MRTFB: variants seen among roughly 807,000 people sequenced by gnomAD.
MRTFB encodes the protein myocardin-related transcription factor B.
A neutral mutation model predicts 104.2 loss-of-function variants in MRTFB; 29 were observed. The observed-to-expected ratio is 0.28, with a 90% CI of 0.21 to 0.38. The LOEUF (loss-of-function observed/expected upper bound fraction) is 0.38, where lower values mean the gene tolerates loss of function less well. Among genes scored for constraint, MRTFB ranks in the 10% least tolerant of loss-of-function variants. The pLI, the probability that MRTFB is intolerant of heterozygous loss-of-function variation, is 1.00. For synonymous variants in MRTFB, 535 were observed against 519.5 expected (o/e 1.03, Z -0.41); for missense variants, 1,270 against 1,341.6 (o/e 0.95, Z 0.83).
chr16:14,266,229 G>A lies in MRTFB; in HGVS notation c.*4785G>A, dbSNP rs2043942947. The A allele has an allele frequency of 6.6e-6, 1 of 152,116 alleles. No homozygotes were observed. The highest frequency in any genetic ancestry group is 1.5e-5 in the Non-Finnish European group (1 of 68,020). The allele number at this position is 152,116 out of a possible 1,614,324, so 9.4% of individuals were successfully genotyped here. A position where few individuals can be genotyped will look rare whatever the true frequency, so the allele number is the denominator to read the frequency against. On this transcript the variant is annotated 3_prime_UTR_variant, in exon 17 of 17. Transcript: ENST00000571589. ...CTAAGATGTAGATATTTCTCTTATT[G>A]TTTTCATGTAAAATAGTATAGAGTT...
intron 2 of MRTFB, among the ~76,000 whole-genome samples, chr16:14,125,783 T>C (rs574365782): frequency 6.6e-6 from 1 of 152,368 alleles, no homozygotes; most frequent in Non-Finnish European, 1.5e-5. Context: ...TTTCAAGTGA[T>C]GGTTAACATT....
chr16:14,226,460 G>A (rs1351005470), intron 8 of MRTFB, among the ~76,000 whole-genome samples: 1 of 152,096 alleles, frequency 6.6e-6, no homozygotes, highest in Admixed American at 6.6e-5. Context: ...AAATGGTACT[G>A]GGAAAACTGG....
intron 2 of MRTFB, among the ~76,000 whole-genome samples, chr16:14,102,609 A>G (rs572919190): frequency 1.8e-4 from 27 of 152,334 alleles, no homozygotes; most frequent in African/African-American, 6.3e-4. Flanking sequence ...ACTTACAGAT[A>G]TTATTTATTC....
At chr16:14,154,952 T>A (rs1015735511) in intron 3 of MRTFB, among the ~76,000 whole-genome samples, 1 of 152,150 alleles carries the variant, frequency 6.6e-6, no homozygotes, top group Admixed American at 6.5e-5. Context: ...CCATATTCGA[T>A]TGATTAGAAG....
intron 3 of MRTFB, among the ~76,000 whole-genome samples, chr16:14,204,464 C>T (rs986481383): frequency 6.6e-6 from 1 of 152,150 alleles, no homozygotes; most frequent in Admixed American, 6.5e-5. Flanking sequence ...CTGGGAATGA[C>T]ATTTTCAGTT....
intron 3 of MRTFB, chr16:14,187,115 T>G: frequency 8.5e-7 from 1 of 1,173,232 alleles, no homozygotes; most frequent in Admixed American, 2.3e-5. Flanking sequence ...TCTGTTACCA[T>G]GCTATGTGTC....
At chr16:14,128,958 C>T (rs1235259572) in intron 2 of MRTFB, among the ~76,000 whole-genome samples, 2 of 152,244 alleles carry the variant, frequency 1.3e-5, no homozygotes, top group Non-Finnish European at 2.9e-5. Flanking sequence ...CTCCTGGCAG[C>T]CACTACTCTG....
chr16:14,076,530 A>G (rs2034069040), intron 1 of MRTFB, among the ~76,000 whole-genome samples: 1 of 152,204 alleles, frequency 6.6e-6, no homozygotes, highest in Non-Finnish European at 1.5e-5. Flanking sequence ...TAAAATATAC[A>G]TTGTTTAGCT....
intron 6 of MRTFB, among the ~76,000 whole-genome samples, chr16:14,213,834 C>T (rs991178861): frequency 3.3e-5 from 5 of 152,170 alleles, no homozygotes; most frequent in African/African-American, 1.2e-4. Flanking sequence ...ACTAACACTT[C>T]CACACCAGCT....
chr16:14,240,904 A>C (rs1567206602), intron 10 of MRTFB: 1 of 613,022 alleles, frequency 1.6e-6, no homozygotes, highest in Non-Finnish European at 2.9e-6. Flanking sequence ...TGTATATAGA[A>C]GGCTCGAGAA....
intron 2 of MRTFB, among the ~76,000 whole-genome samples, chr16:14,129,777 G>A (rs933744747): frequency 1.3e-5 from 2 of 152,046 alleles, no homozygotes; most frequent in Non-Finnish European, 2.9e-5. Flanking sequence ...TGATTATATT[G>A]AACATTTATT....
chr16:14,036,583 AT>A, the MRTFB span, among the ~76,000 whole-genome samples: 1 of 150,600 alleles, frequency 6.6e-6, no homozygotes, highest in Non-Finnish European at 1.5e-5. Flanking sequence ...CATCATATAT[AT>A]GTTGAAATAT....
At chr16:14,106,557 G>GCA (rs1456803626) in intron 2 of MRTFB, among the ~76,000 whole-genome samples, 1 of 152,132 alleles carries the variant, frequency 6.6e-6, no homozygotes, top group Non-Finnish European at 1.5e-5. Context: ...AACCTCATGG[G>GCA]GTTGCTGTGA....
intron 9 of MRTFB, among the ~76,000 whole-genome samples, chr16:14,238,359 G>C (rs528212525): frequency 2.0e-5 from 3 of 152,088 alleles, no homozygotes; most frequent in Non-Finnish European, 4.4e-5. Flanking sequence ...GGGGACCGTG[G>C]GATATAGCTT....
chr16:14,055,595 C>T, the MRTFB span, among the ~76,000 whole-genome samples: 1 of 152,046 alleles, frequency 6.6e-6, no homozygotes, highest in African/African-American at 2.4e-5. Flanking sequence ...AGATGTCCCT[C>T]CATTTGGGTT....
intron 3 of MRTFB, chr16:14,187,108 G>T (rs1470995294): frequency 8.0e-7 from 1 of 1,254,870 alleles, no homozygotes; most frequent in Admixed American, 2.2e-5. Context: ...GTGTCTGTCT[G>T]TTACCATGCT....
At chr16:14,040,198 C>T in the MRTFB span, among the ~76,000 whole-genome samples, 2 of 152,216 alleles carry the variant, frequency 1.3e-5, no homozygotes, top group African/African-American at 2.4e-5. Context: ...ATTACGTTTG[C>T]ACCAACCTAA....
intron 1 of MRTFB, among the ~76,000 whole-genome samples, chr16:14,073,164 C>T (rs2033828369): frequency 6.6e-6 from 1 of 152,180 alleles, no homozygotes; most frequent in South Asian, 2.1e-4. Flanking sequence ...CTTATAAAAA[C>T]TTTTAAATAT....
At position 14,219,007 on chromosome 16, in the gene MRTFB, T is replaced by G. The variant is rs372886880; in HGVS notation, c.693+9T>G. The G allele has an allele frequency of 4.4e-6, 7 of 1,592,666 alleles. No individual in the cohort carries two copies. In the African/African-American group the frequency reaches 8.1e-5, roughly 18 times the overall value. On this transcript the variant is annotated intron_variant, in intron 8 of 16. Coordinates refer to ENST00000571589, the MANE Select transcript of MRTFB (RefSeq NM_001308142.2). ...CAAACACTCCAGCGCAGGTATTATC[T>G]TTCTGGTTTTGACCCCTAAAGAAAG... is the stretch of plus-strand genomic sequence containing the variant.
Sources: allele counts gnomAD v4.1 joint callset (sites outside exome capture counted in the v4.1 genomes callset), GRCh38; gene constraint gnomAD v4.1.1; transcripts MANE v1.5; gene names NCBI Gene and HGNC (gene_info 2026-07-23, HGNC 2026-07-21).